The following BAG6 variants were observed in gnomAD, a reference collection of about 807,000 sequenced individuals.
BAG6 encodes the protein BAG cochaperone 6.
Under a neutral mutation model 121.0 loss-of-function variants are expected in BAG6, and 22 were observed. The ratio of observed to expected loss-of-function variants is 0.18; its 90% CI spans 0.13 to 0.26. The LOEUF (loss-of-function observed/expected upper bound fraction) is 0.26. Ranked by LOEUF, BAG6 falls within the 10% of genes least tolerant of loss-of-function variation. The pLI is 1.00. For synonymous variants in BAG6, 583 were observed against 584.6 expected (o/e 1.00, Z 0.04); for missense variants, 1,233 against 1,537.7 (o/e 0.80, Z 3.31).
intron 7 of BAG6, 50 bp downstream of exon 7, chr6:31,647,541 A>G: frequency 6.2e-7 from 1 of 1,602,836 alleles, no homozygotes; most frequent in Non-Finnish European, 8.5e-7. Flanking sequence ...CCTTCTCCCC[A>G]TACTTCACTT....
chr6:31,644,496 T>A lies in BAG6; in HGVS notation c.1447+29A>T. 6.3e-7 allele frequency: 1 copy of A among 1,596,904 alleles called. No homozygotes were observed. ...GCCCTTCCCTTTCTCTACCCAGAGC[T>A]CAGCCTGCCCTGATGCCCTCACTCT... On this transcript the variant is annotated intron_variant, in intron 11 of 25. Transcript: ENST00000676615. This position sits in a 1 kb window ranked among gnomAD's most constrained non-coding sequence, Gnocchi z 4.9.
rs573186683 is a variant in BAG6 at position 31,650,087 on chromosome 6, A to G, written c.109-460T>C. ...CTACACTCTAGCCTGGGTGACAGAG[A>G]GGGACTCCATCTCAAAAAATTAAAT... On this transcript the variant is annotated intron_variant, in intron 2 of 25. Coordinates refer to ENST00000676615, the MANE Select transcript of BAG6 (RefSeq NM_001387994.1). Among the ~76,000 whole-genome samples the G allele has an allele frequency of 4.6e-5, 7 of 152,160 alleles. No individual in the cohort carries two copies. In the South Asian group the frequency reaches 1.4e-3, roughly 32 times the overall value.
chr6:31,649,301 G>T lies in BAG6; in HGVS notation c.321C>A (p.Ala107=), dbSNP rs756353998. 7.2e-5 allele frequency: 116 copies of T among 1,613,254 alleles called. No individual in the cohort carries two copies. Among genetic ancestry groups the T allele is most frequent in the Non-Finnish European group, 9.3e-5 (110 of 1,180,006 alleles). Residue 107 remains alanine (A), a synonymous_variant, in exon 4 of 26, where the codon GCC becomes GCA. Coordinates refer to ENST00000676615, the MANE Select transcript of BAG6 (RefSeq NM_001387994.1). ...CAGGGGGGGATCCCCCACCATGAGT[G>T]GCTGAGGCAGACCCCGTCCCAGAAG... ...GASSGTGSAS[A]THGGGSPPGT... is the part of the protein sequence containing the mutation.
Position 31,641,659 on chromosome 6 carries a change from A to G in BAG6, c.2506-67T>C, listed in dbSNP as rs564773729. 5.0e-5 allele frequency: 80 copies of G among 1,612,028 alleles called. 4 individuals are homozygous for G. In the South Asian group the frequency reaches 6.6e-4, roughly 13 times the overall value. On this transcript the variant is annotated intron_variant, in intron 17 of 25. Coordinates refer to ENST00000676615, the MANE Select transcript of BAG6 (RefSeq NM_001387994.1). This position sits in a 1 kb window ranked among gnomAD's most constrained non-coding sequence, Gnocchi z 5.7. ...CTCCCAAGACTTCCACCTCGACCCC[A>G]ACAAGTCCAGGGCTTGTGTGGGGGC...
intron 2 of BAG6, 122 bp downstream of exon 2, chr6:31,651,534 A>G: frequency 1.2e-6 from 1 of 830,658 alleles, no homozygotes; most frequent in Non-Finnish European, 1.9e-6. Context: ...GCGTGACTCC[A>G]TCTCAAAAAA....
At chr6:31,643,721 C>CAAAAAAAA (rs9281540) in intron 14 of BAG6, among the ~76,000 whole-genome samples, 169 bp downstream of exon 14, 1,210 of 66,154 alleles carry the variant, frequency 0.018, 156 homozygotes, top group East Asian at 0.043. Flanking sequence ...GACTCCATCT[C>CAAAAAAAA]AAAAAAAAAA....
Position 31,641,605 on chromosome 6 carries a change from C to A in BAG6, c.2506-13G>T, listed in dbSNP as rs748439698. The A allele has an allele frequency of 6.8e-6, 11 of 1,613,970 alleles. No homozygotes were observed. The highest frequency in any genetic ancestry group is 1.3e-5 in the African/African-American group (1 of 74,928). On this transcript the variant is annotated splice_polypyrimidine_tract_variant and intron_variant, in intron 17 of 25. Coordinates refer to ENST00000676615, the MANE Select transcript of BAG6 (RefSeq NM_001387994.1). This position sits in a 1 kb window ranked among gnomAD's most constrained non-coding sequence, Gnocchi z 5.7. Reference sequence around the variant, plus strand: ...TGTGGGTTGCCATCTGTGGAGGAAACAGAACAGGTTTAGTTCAAAGCCTCA... The same window carrying A: ...TGTGGGTTGCCATCTGTGGAGGAAAAAGAACAGGTTTAGTTCAAAGCCTCA...
intron 15 of BAG6, 78 bp downstream of exon 15, chr6:31,642,751 T>C: frequency 6.6e-7 from 1 of 1,526,174 alleles, no homozygotes; most frequent in Non-Finnish European, 8.9e-7. Context: ...CCAGTGGTTA[T>C]ATAATGGCAA....
chr6:31,645,147 G>C lies in BAG6; in HGVS notation c.1168C>G (p.Pro390Ala), dbSNP rs186650437. The C allele has an allele frequency of 4.1e-5, 66 of 1,612,780 alleles. No homozygotes were observed. The highest frequency in any genetic ancestry group is 6.7e-5 in the African/African-American group (5 of 74,926). ...TMTGNGTRPP[P>A]TPNAEAPPPG... ...GGAGGTGCCTCTGCATTGGGAGTTG[G>C]GGGGGGCCGAGTCCCATTTCCTGTC... The change falls in exon 10 of 26, where the codon CCA (proline) becomes GCA (alanine). Residue 390 changes from proline to alanine, a missense_variant. By Grantham distance (27) the Pro-to-Ala change is conservative. Around this residue, in one of 7 missense-constraint regions of BAG6, gnomAD observed 777 missense variants for 861.4 expected, o/e 0.90. Coordinates refer to ENST00000676615, the MANE Select transcript of BAG6 (RefSeq NM_001387994.1).
Position 31,641,122 on chromosome 6 carries a change from A to G in BAG6, c.2769T>C (p.Ala923=), listed in dbSNP as rs1782334739. The G allele has an allele frequency of 1.2e-6, 2 of 1,613,092 alleles. No homozygotes were observed. The highest frequency in any genetic ancestry group is 1.7e-6 in the Non-Finnish European group (2 of 1,179,946). Residue 923 remains alanine (A), a synonymous_variant, in exon 20 of 26, where the codon GCT becomes GCC. Transcript: ENST00000676615. The surrounding 1 kb of genome is among the most constrained non-coding windows in gnomAD (Gnocchi z 5.7). ...CLGGQQMELA[A]VINGRIRRMS... Reference sequence around the variant, plus strand: ...TGCTTACAATTCGGCCATTGATAACAGCAGCAAGCTCCATCTGCTGTCCCC... The same window carrying G: ...TGCTTACAATTCGGCCATTGATAACGGCAGCAAGCTCCATCTGCTGTCCCC...
Position 31,651,636 on chromosome 6 carries a change from G to T in BAG6, c.108+20C>A. 1 of 1,604,770 alleles carries T rather than the reference G, an allele frequency of 6.2e-7. No homozygotes were observed. Among genetic ancestry groups the T allele is most frequent in the Non-Finnish European group, 8.5e-7 (1 of 1,172,372 alleles). ...GAGGAAAAGCTAAAGGTGTCTTCCA[G>T]AACTAGTGAGGTGTCTCACCTGGGC... On this transcript the variant is annotated intron_variant, in intron 2 of 25. Transcript: ENST00000676615.
chr6:31,641,193 T>A lies in BAG6; in HGVS notation c.2698A>T (p.Asn900Tyr). 2 of 1,613,958 alleles carry A rather than the reference T, an allele frequency of 1.2e-6. No homozygotes were observed. Among genetic ancestry groups the A allele is most frequent in the East Asian group, 4.5e-5 (2 of 44,890 alleles). ...GFGARLLELCNQGLFECLALN... is the reference protein window; with the variant it reads ...GFGARLLELCYQGLFECLALN... ...GCCAGGCATTCAAACAGGCCTTGGT[T>A]ACACAACTCCAGCAACCGGGCCCCA... The change falls in exon 20 of 26, where the codon AAC becomes TAC. Residue 900 changes from asparagine (N) to tyrosine (Y), a missense_variant. By Grantham distance (143) the Asn-to-Tyr change is moderately radical. Around this residue, in one of 7 missense-constraint regions of BAG6, gnomAD observed 288 missense variants for 483.1 expected, o/e 0.60. Coordinates refer to ENST00000676615, the MANE Select transcript of BAG6 (RefSeq NM_001387994.1). The surrounding 1 kb of genome is among the most constrained non-coding windows in gnomAD (Gnocchi z 5.7).
At position 31,642,953 on chromosome 6, in the gene BAG6, A is replaced by G; in HGVS notation, c.1919T>C (p.Leu640Pro). ...PSMADLQFSQ[L>P]LGNLLGPAGP... Reference sequence around the variant, plus strand: ...TGCAGGCCCTAGCAGGTTCCCCAGAAGCTGAGAGAACTGAAGATCAGCCAT... The same window carrying G: ...TGCAGGCCCTAGCAGGTTCCCCAGAGGCTGAGAGAACTGAAGATCAGCCAT... The change falls in exon 15 of 26, where the codon CTT becomes CCT. Residue 640 changes from leucine (L) to proline (P), a missense_variant. Physicochemically the swap from Leu to Pro is moderately conservative, Grantham distance 98 (BLOSUM62 -3). Transcript: ENST00000676615. The G allele has an allele frequency of 6.2e-7, 1 of 1,605,828 alleles. No individual in the cohort carries two copies. Among genetic ancestry groups the G allele is most frequent in the Non-Finnish European group, 8.5e-7 (1 of 1,176,528 alleles).
Position 31,642,379 on chromosome 6 carries a change from G to A in BAG6, c.2068C>T (p.Pro690Ser). 1 of 847,406 alleles carries A rather than the reference G, an allele frequency of 1.2e-6. No individual in the cohort carries two copies. The highest frequency in any genetic ancestry group is 1.8e-6 in the Non-Finnish European group (1 of 540,684). 52.5% of individuals were successfully genotyped at this position (847,406 alleles called of 1,614,324 possible). A position where few individuals can be genotyped will look rare whatever the true frequency, so the allele number is the denominator to read the frequency against. The change falls in exon 16 of 26, where the codon CCC (proline) becomes TCC (serine). Residue 690 changes from proline (P) to serine (S), a missense_variant. Pro to Ser is a moderately conservative substitution (Grantham distance 74, BLOSUM62 -1). This residue lies in a region of BAG6 where 777 missense variants were observed against 861.4 expected (regional missense o/e 0.90). Transcript: ENST00000676615. ...GGTGGTGGGGGTGGAGGAGGTGGGG[G>A]TGGTGGAGGGGCTGTCTGTGTTGCC... ...LQATQTAPPP[P>S]PPPPPPPPAP... is the part of the protein sequence containing the mutation.
rs761893584 is a variant in BAG6 at position 31,644,973 on chromosome 6, C to T, written c.1342G>A (p.Val448Met). 1.1e-5 allele frequency: 17 copies of T among 1,597,396 alleles called. No homozygotes were observed. Among genetic ancestry groups the T allele is most frequent in the African/African-American group, 6.7e-5 (5 of 74,516 alleles). The change falls in exon 10 of 26, where the codon GTG (valine) becomes ATG (methionine). Residue 448 changes from valine to methionine, a missense_variant. Transcript: ENST00000676615. This position sits in a 1 kb window ranked among gnomAD's most constrained non-coding sequence, Gnocchi z 4.9. ...TGAATGTTCATGTGCATCATGACCA[C>T]GGGTTCCACACTCTGGTGGGAAATC... ...IRISHQSVEPVVMMHMNIQDS... is the reference protein window; with the variant it reads ...IRISHQSVEPMVMMHMNIQDS...
intron 25 of BAG6, 72 bp downstream of exon 25, chr6:31,639,428 G>A: frequency 2.6e-6 from 4 of 1,558,482 alleles, no homozygotes; most frequent in Admixed American, 1.9e-5. Flanking sequence ...CATCGCTGAA[G>A]GGATCCAGGG....
Position 31,642,832 on chromosome 6 carries a change from C to A in BAG6, c.2040G>T (p.Leu680Phe). 1 of 1,611,716 alleles carries A rather than the reference C, an allele frequency of 6.2e-7. No individual in the cohort carries two copies. The highest frequency in any genetic ancestry group is 2.2e-5 in the East Asian group (1 of 44,774). Residue 680 changes from leucine to phenylalanine, a missense_variant, in exon 15 of 26, where the codon TTG (leucine) becomes TTT (phenylalanine). This residue lies in a region of BAG6 where 777 missense variants were observed against 861.4 expected (regional missense o/e 0.90). Transcript: ENST00000676615. Reference protein sequence around the residue: ...PAFLQGMTDFLQATQTAPPPP... With the variant: ...PAFLQGMTDFFQATQTAPPPP... ...GAATGGCAAGCCAGCCACTCACCTGCAAGAAGTCAGTCATGCCTTGGAGAA... is the reference window on the plus strand; with the variant it reads ...GAATGGCAAGCCAGCCACTCACCTGAAAGAAGTCAGTCATGCCTTGGAGAA...
At chr6:31,643,214 C>G (rs997265445) in intron 14 of BAG6, 99 bp from the exon 15 acceptor site, 1 of 1,278,816 alleles carries the variant, frequency 7.8e-7, no homozygotes, top group African/African-American at 1.5e-5. Context: ...CTGCTTGAGC[C>G]CAGGAGTCTA....
chr6:31,649,190 T>G lies in BAG6; in HGVS notation c.423+9A>C. ...CACAAAAGCCCTCCCCTGTGGAACA[T>G]AAGCTTACAGGAAGATTGAAGGTTC... On this transcript the variant is annotated intron_variant, in intron 4 of 25. Transcript: ENST00000676615. The G allele has an allele frequency of 6.2e-7, 1 of 1,612,908 alleles. No individual in the cohort carries two copies. The highest frequency in any genetic ancestry group is 8.5e-7 in the Non-Finnish European group (1 of 1,179,952).
Sources: gnomAD v4.1 joint callset for allele counts (sites outside exome capture counted in the v4.1 genomes callset) on GRCh38, gnomAD v4.1.1 for gene constraint, gnomAD v4.1.1 regional missense constraint, Gnocchi (gnomAD v3.1) non-coding constraint, MANE v1.5 for transcripts, NCBI Gene and HGNC (gene_info 2026-07-23, HGNC 2026-07-21) for gene names.